KATNAL2: variants seen among roughly 807,000 people sequenced by gnomAD.
KATNAL2 encodes the protein katanin p60 ATPase-containing subunit A-like 2.
A neutral mutation model predicts 76.3 loss-of-function variants in KATNAL2; 52 were observed. That is an observed-to-expected ratio of 0.68 (90% confidence interval 0.55 to 0.86). The LOEUF is 0.86. Among genes scored for constraint, KATNAL2 ranks in the 40% least tolerant of loss-of-function variants. KATNAL2 has a pLI of 0.00. For missense variants in KATNAL2, 660 were observed against 668.9 expected (o/e 0.99, Z 0.15); for synonymous variants, 243 against 244.2 (o/e 1.00, Z 0.05).
At chr18:47,038,825 A>G (rs2060866443) in intron 3 of KATNAL2, among the ~76,000 whole-genome samples, 2 of 152,234 alleles carry the variant, frequency 1.3e-5, no homozygotes, top group South Asian at 4.1e-4. Flanking sequence ...AAATTATTAT[A>G]AAACCCACAA....
chr18:47,089,353 G>C (rs1190241354), intron 15 of KATNAL2, among the ~76,000 whole-genome samples: 1 of 152,148 alleles, frequency 6.6e-6, no homozygotes, highest in Non-Finnish European at 1.5e-5. Context: ...AACAGAGCCA[G>C]CCTTCCCATT....
intron 2 of KATNAL2, 141 bp downstream of exon 2, chr18:46,946,687 A>G: frequency 9.6e-7 from 1 of 1,043,874 alleles, no homozygotes; most frequent in Non-Finnish European, 1.3e-6. Flanking sequence ...TGGATTAAAC[A>G]TGCATGGTCT....
In KATNAL2 at chr18:47,037,977, G is replaced by T. The variant is rs571099779; in HGVS notation, c.52-8480G>T. On this transcript the variant is annotated intron_variant, in intron 3 of 17. Transcript: ENST00000683218. ...TGGGATTACAGGAGTGAGCCACAGT[G>T]CCCGACCATGAAAAGCCATTTTTGA... Among the ~76,000 whole-genome samples the T allele has an allele frequency of 1.2e-4, 18 of 152,042 alleles. No individual in the cohort carries two copies. In the South Asian group the frequency reaches 3.3e-3, roughly 28 times the overall value.
At chr18:46,961,563 T>A (rs2059954300) in intron 3 of KATNAL2, among the ~76,000 whole-genome samples, 1 of 152,186 alleles carries the variant, frequency 6.6e-6, no homozygotes, top group South Asian at 2.1e-4. Context: ...CAATGAGGGT[T>A]TTAAATTCTC....
chr18:46,943,340 C>G (rs999097622), intron 1 of KATNAL2, among the ~76,000 whole-genome samples: 3 of 152,150 alleles, frequency 2.0e-5, no homozygotes, highest in Non-Finnish European at 4.4e-5. Context: ...GGGCTGCATT[C>G]TCAGAAGGTT....
At chr18:47,061,121 G>C (rs1014609151) in intron 8 of KATNAL2, among the ~76,000 whole-genome samples, 1 of 152,202 alleles carries the variant, frequency 6.6e-6, no homozygotes, top group African/African-American at 2.4e-5. Flanking sequence ...AGGGTATATG[G>C]CCTGGGGCCA....
At chr18:47,071,953 CTTTTTTTT>C (rs574265545) in intron 13 of KATNAL2, among the ~76,000 whole-genome samples, 638 of 43,648 alleles carry the variant, frequency 0.015, no homozygotes, top group East Asian at 0.046. Flanking sequence ...CCAATTTCTT[CTTTTTTTT>C]TTTTTTTTTT....
chr18:47,034,270 A>G, intron 3 of KATNAL2: 1 of 1,613,960 alleles, frequency 6.2e-7, no homozygotes, highest in Admixed American at 1.7e-5. Context: ...CTCGGGCGAC[A>G]GGCCGTGTGT....
At chr18:47,036,835 C>A (rs1180319208) in intron 3 of KATNAL2, among the ~76,000 whole-genome samples, 2 of 152,140 alleles carry the variant, frequency 1.3e-5, no homozygotes, top group Non-Finnish European at 2.9e-5. Context: ...CAATAAATGT[C>A]TTTTCTGGAT....
intron 1 of KATNAL2, among the ~76,000 whole-genome samples, chr18:46,924,368 C>T (rs1159719791): frequency 6.6e-6 from 1 of 152,128 alleles, no homozygotes; most frequent in East Asian, 1.9e-4. Flanking sequence ...TCAGGTTTGT[C>T]AAAGATCAGA....
At chr18:46,940,195 T>C (rs985586835) in intron 1 of KATNAL2, among the ~76,000 whole-genome samples, 1 of 151,710 alleles carries the variant, frequency 6.6e-6, no homozygotes, top group African/African-American at 2.4e-5. Flanking sequence ...CTCTGAACTG[T>C]TATGTGGGGC....
chr18:46,922,672 C>CCAAG (rs2058604675), intron 1 of KATNAL2, among the ~76,000 whole-genome samples: 1 of 151,656 alleles, frequency 6.6e-6, no homozygotes, highest in Admixed American at 6.6e-5. Flanking sequence ...TGGTGCATGC[C>CCAAG]TGTAATCCTA....
rs756677905 is a variant in KATNAL2, at chr18:47,069,623, T to C, written c.1008+23T>C. 38 of 1,533,660 alleles carry C rather than the reference T, an allele frequency of 2.5e-5. No individual in the cohort carries two copies. In the South Asian group the frequency reaches 4.1e-4, roughly 16 times the overall value. On this transcript the variant is annotated intron_variant, in intron 13 of 17. Coordinates refer to ENST00000683218, the MANE Select transcript of KATNAL2 (RefSeq NM_001387690.1). Reference sequence around the variant, plus strand: ...CGGGTAGGAATTCTTAATTTTGTTTTTAAAAATAAGTTCTAGTGTAATACA... The same window carrying C: ...CGGGTAGGAATTCTTAATTTTGTTTCTAAAAATAAGTTCTAGTGTAATACA...
rs947548187 is a variant in KATNAL2, at chr18:46,920,040, A to G, written c.-510+2114A>G. 3.9e-6 allele frequency: 5 copies of G among 1,288,064 alleles called. No individual in the cohort carries two copies. In the Admixed American group the frequency reaches 9.2e-5, roughly 24 times the overall value. 79.8% of individuals were successfully genotyped at this position (1,288,064 alleles called of 1,614,324 possible). ...ACAAAACAGTAAGAAAAGAAAAGCA[A>G]AGCCCCACTGAAACTTACGTGCAGT... On this transcript the variant is annotated intron_variant, in intron 1 of 17. Transcript: ENST00000683218.
intron 3 of KATNAL2, among the ~76,000 whole-genome samples, chr18:46,955,132 T>TTC (rs200821465): frequency 0.013 from 1,683 of 131,544 alleles, 251 homozygotes; most frequent in Admixed American, 0.034. Flanking sequence ...CTTTCTTTCT[T>TTC]TCTCTCTCTC....
rs569187857 is a variant in KATNAL2, at chr18:47,047,436, T to C, written c.122+909T>C. On this transcript the variant is annotated intron_variant, in intron 4 of 17. Coordinates refer to ENST00000683218, the MANE Select transcript of KATNAL2 (RefSeq NM_001387690.1). Reference sequence around the variant, plus strand: ...TTTTCTTTCCTCAAAATAAACGTATTGCATTTACTTGGACAACCTAAACCC... The same window carrying C: ...TTTTCTTTCCTCAAAATAAACGTATCGCATTTACTTGGACAACCTAAACCC... Among the ~76,000 whole-genome samples the C allele has an allele frequency of 3.3e-5, 5 of 152,216 alleles. No individual in the cohort carries two copies. The East Asian group carries it at 9.6e-4, about 29-fold the overall frequency.
At chr18:46,959,193 G>A (rs942551734) in intron 3 of KATNAL2, among the ~76,000 whole-genome samples, 2 of 152,208 alleles carry the variant, frequency 1.3e-5, no homozygotes, top group African/African-American at 4.8e-5. Context: ...AAAATGTGCA[G>A]TTCTAAACAC....
chr18:47,057,460 A>G, intron 6 of KATNAL2, among the ~76,000 whole-genome samples: 1 of 152,374 alleles, frequency 6.6e-6, no homozygotes, highest in Admixed American at 6.5e-5. Context: ...ATATACAGTC[A>G]TACCACATAT....
chr18:47,073,510 G>T (rs1036946306), intron 13 of KATNAL2, among the ~76,000 whole-genome samples: 1 of 152,080 alleles, frequency 6.6e-6, no homozygotes, highest in African/African-American at 2.4e-5. Context: ...ATGCTGTCAG[G>T]CTCCTTACTG....
Sources: allele counts gnomAD v4.1 joint callset (sites outside exome capture counted in the v4.1 genomes callset), GRCh38; gene constraint gnomAD v4.1.1; transcripts MANE v1.5; gene names NCBI Gene and HGNC (gene_info 2026-07-23, HGNC 2026-07-21).